NDUFAF2: variants seen among roughly 807,000 people sequenced by gnomAD.
NDUFAF2 encodes the protein NADH dehydrogenase [ubiquinone] 1 alpha subcomplex assembly factor 2.
A neutral mutation model predicts 22.8 loss-of-function variants in NDUFAF2; 13 were observed. That is an observed-to-expected ratio of 0.57 (90% CI 0.37 to 0.91). The LOEUF (loss-of-function observed/expected upper bound fraction) is 0.91, where lower values mean the gene tolerates loss of function less well. NDUFAF2 is among the 40% of genes least tolerant of loss of function. The pLI is 0.01. For missense variants in NDUFAF2, 162 were observed against 195.2 expected (o/e 0.83, Z 1.01); for synonymous variants, 53 against 64.2 (o/e 0.83, Z 0.84).
chr5:61,147,414 A>G (rs1419706253), intron 3 of NDUFAF2, among the ~76,000 whole-genome samples: 1 of 90,992 alleles, frequency 1.1e-5, no homozygotes, highest in Non-Finnish European at 2.4e-5. Context: ...AGGCCTGGCT[A>G]ATTTTTGTAT....
intron 1 of NDUFAF2, 116 bp downstream of exon 1, chr5:60,945,498 G>T: frequency 6.9e-7 from 1 of 1,446,822 alleles, no homozygotes. Context: ...GGGTGTCACC[G>T]GAGAGAATTT....
chr5:61,076,555 G>T (rs1752372921), intron 2 of NDUFAF2, among the ~76,000 whole-genome samples: 1 of 152,234 alleles, frequency 6.6e-6, no homozygotes, highest in South Asian at 2.1e-4. Flanking sequence ...GTGTGATTGG[G>T]ATAGAATGAG....
At chr5:60,979,124 A>C (rs746522279) in intron 1 of NDUFAF2, among the ~76,000 whole-genome samples, 1 of 151,822 alleles carries the variant, frequency 6.6e-6, no homozygotes, top group East Asian at 1.9e-4. Flanking sequence ...ACTTGCTGAC[A>C]AAAGTGCCTT....
chr5:61,038,328 A>G (rs1046762708), intron 1 of NDUFAF2, among the ~76,000 whole-genome samples: 3 of 152,168 alleles, frequency 2.0e-5, no homozygotes, highest in Non-Finnish European at 2.9e-5. Flanking sequence ...TATCCTGCAA[A>G]TAATTGTGCA....
At chr5:61,004,759 C>G (rs950328651) in intron 1 of NDUFAF2, among the ~76,000 whole-genome samples, 1 of 151,876 alleles carries the variant, frequency 6.6e-6, no homozygotes, top group Non-Finnish European at 1.5e-5. Context: ...AAGACACATA[C>G]AAAAGAAGTT....
At chr5:61,111,557 C>A (rs1282637429) in intron 3 of NDUFAF2, among the ~76,000 whole-genome samples, 2 of 152,098 alleles carry the variant, frequency 1.3e-5, no homozygotes, top group Non-Finnish European at 2.9e-5. Flanking sequence ...CCACCTCAGC[C>A]CCCCAAGTAG....
chr5:61,107,362 C>T (rs918305127), intron 3 of NDUFAF2, among the ~76,000 whole-genome samples: 1 of 151,260 alleles, frequency 6.6e-6, no homozygotes, highest in African/African-American at 2.5e-5. Flanking sequence ...TTTTCATATA[C>T]CTGTTTGCCA....
intron 1 of NDUFAF2, among the ~76,000 whole-genome samples, chr5:61,057,080 A>G (rs1752109896): frequency 6.6e-6 from 1 of 151,408 alleles, no homozygotes; most frequent in African/African-American, 2.4e-5. Flanking sequence ...GGGGAGTCAA[A>G]GTATTAAAAA....
At chr5:61,053,381 A>C (rs75645142) in intron 1 of NDUFAF2, among the ~76,000 whole-genome samples, 2,014 of 152,342 alleles carry the variant, frequency 0.013, 50 homozygotes, top group African/African-American at 0.046. Flanking sequence ...CCATGTCATC[A>C]GGATATGCAC....
intron 1 of NDUFAF2, among the ~76,000 whole-genome samples, chr5:61,040,251 G>GACACACACACACACACACACAC (rs55910021): frequency 1.5e-5 from 2 of 131,896 alleles, no homozygotes; most frequent in African/African-American, 5.6e-5. Flanking sequence ...AAGAGGAAAG[G>GACACACACACACACACACACAC]ACACACACAC....
At chr5:61,117,814 C>T (rs1752930663) in intron 3 of NDUFAF2, among the ~76,000 whole-genome samples, 1 of 152,080 alleles carries the variant, frequency 6.6e-6, no homozygotes, top group Non-Finnish European at 1.5e-5. Context: ...CTACTAAGCT[C>T]TGCCATTGTA....
intron 3 of NDUFAF2, among the ~76,000 whole-genome samples, chr5:61,128,797 A>G (rs1411117133): frequency 6.6e-6 from 1 of 152,140 alleles, no homozygotes; most frequent in African/African-American, 2.4e-5. Context: ...AAATTGACAA[A>G]TGGGATCTAA....
intron 2 of NDUFAF2, among the ~76,000 whole-genome samples, chr5:61,088,939 T>C (rs1249116106): frequency 2.0e-5 from 3 of 152,116 alleles, no homozygotes; most frequent in African/African-American, 7.2e-5. Flanking sequence ...TCCGTAATTT[T>C]GGTTCTGAAT....
intron 2 of NDUFAF2, among the ~76,000 whole-genome samples, chr5:61,096,161 A>G (rs1752636906): frequency 6.6e-6 from 1 of 152,194 alleles, no homozygotes; most frequent in Non-Finnish European, 1.5e-5. Flanking sequence ...ATATTCATTC[A>G]ATAATTTTTA....
chr5:60,971,434 C>T (rs552036248), intron 1 of NDUFAF2, among the ~76,000 whole-genome samples: 1 of 152,072 alleles, frequency 6.6e-6, no homozygotes, highest in Non-Finnish European at 1.5e-5. Flanking sequence ...CTGCAGGCAC[C>T]CGCCACCGTG....
At chr5:61,045,491 T>G (rs999373250) in intron 1 of NDUFAF2, among the ~76,000 whole-genome samples, 2 of 151,732 alleles carry the variant, frequency 1.3e-5, no homozygotes, top group Non-Finnish European at 2.9e-5. Flanking sequence ...ATTTTTAATT[T>G]TATTTAAAAG....
chr5:60,979,731 G>C (rs1023189441), intron 1 of NDUFAF2, among the ~76,000 whole-genome samples: 3 of 152,276 alleles, frequency 2.0e-5, no homozygotes, highest in African/African-American at 7.2e-5. Flanking sequence ...CCAAGGCCAG[G>C]AGCAACTTGC....
intron 1 of NDUFAF2, among the ~76,000 whole-genome samples, chr5:60,984,424 C>A (rs1218457312): frequency 6.6e-6 from 1 of 152,074 alleles, no homozygotes; most frequent in Non-Finnish European, 1.5e-5. Context: ...GCCAGAACTT[C>A]CAACACTATG....
intron 1 of NDUFAF2, among the ~76,000 whole-genome samples, chr5:61,065,594 T>G (rs900435820): frequency 6.6e-6 from 1 of 152,044 alleles, no homozygotes; most frequent in African/African-American, 2.4e-5. Context: ...AGATAAAAAC[T>G]ACATGATCAT....
Sources: gnomAD v4.1 joint callset for allele counts (sites outside exome capture counted in the v4.1 genomes callset) on GRCh38, gnomAD v4.1.1 for gene constraint, MANE v1.5 for transcripts, NCBI Gene and HGNC (gene_info 2026-07-23, HGNC 2026-07-21) for gene names.